VANGL2: variants seen among roughly 807,000 people sequenced by gnomAD.
VANGL2 encodes the protein VANGL planar cell polarity protein 2.
A neutral mutation model predicts 50.2 loss-of-function variants in VANGL2; 14 were observed. The ratio of observed to expected loss-of-function variants is 0.28; its 90% CI spans 0.18 to 0.44. VANGL2 has a LOEUF of 0.44. Among genes scored for constraint, VANGL2 ranks in the 20% least tolerant of loss-of-function variants. VANGL2 has a pLI of 1.00. For missense variants in VANGL2, 533 were observed against 701.5 expected (o/e 0.76, Z 2.71); for synonymous variants, 295 against 297.2 (o/e 0.99, Z 0.08).
chr1:160,412,664 T>C (rs1028872076), intron 1 of VANGL2, among the ~76,000 whole-genome samples: 1 of 152,212 alleles, frequency 6.6e-6, no homozygotes, highest in African/African-American at 2.4e-5. Flanking sequence ...GCACGTGCTT[T>C]GACATGGGGA....
chr1:160,420,602 G>A, intron 5 of VANGL2, 55 bp downstream of exon 5: 1 of 1,600,644 alleles, frequency 6.2e-7, no homozygotes, highest in Non-Finnish European at 8.6e-7. Flanking sequence ...AGGACTCCAA[G>A]TTCCCGCCTC....
At position 160,415,821 on chromosome 1, in the gene VANGL2, C is replaced by T. The variant is rs372328442; in HGVS notation, c.-17C>T. ...CCTGCGGCCCTGGAGCGCTACAAGG[C>T]GCGGCGTTCAGACGCCATGGACACC... On this transcript the variant is annotated 5_prime_UTR_variant, in exon 2 of 8. Transcript: ENST00000368061. 1.9e-4 allele frequency: 311 copies of T among 1,610,408 alleles called. No homozygotes were observed. The highest frequency in any genetic ancestry group is 2.2e-4 in the Non-Finnish European group (262 of 1,178,820).
At chr1:160,423,638 A>G (rs1651346966) in intron 6 of VANGL2, among the ~76,000 whole-genome samples, 1 of 152,182 alleles carries the variant, frequency 6.6e-6, no homozygotes, top group South Asian at 2.1e-4. Context: ...CAGCTCCATC[A>G]GATGTCAGTT....
chr1:160,406,960 T>G (rs1650690140), intron 1 of VANGL2, among the ~76,000 whole-genome samples: 2 of 152,096 alleles, frequency 1.3e-5, no homozygotes, highest in Admixed American at 6.5e-5. Flanking sequence ...ACTCCTGACC[T>G]CAGGTGATCT....
chr1:160,409,527 G>A lies in VANGL2; in HGVS notation c.-190-6121G>A, dbSNP rs536091001. Among the ~76,000 whole-genome samples the A allele has an allele frequency of 1.5e-4, 23 of 152,266 alleles. No individual in the cohort carries two copies. The East Asian group carries it at 2.1e-3, about 14-fold the overall frequency. On this transcript the variant is annotated intron_variant, in intron 1 of 7. Transcript: ENST00000368061. ...TCAGAGGTTCAGGTACCTTCCTTCC[G>A]TCTGTGGAAGCTGTGTTGGATGTCT...
intron 1 of VANGL2, among the ~76,000 whole-genome samples, chr1:160,413,685 G>A (rs1650963119): frequency 1.3e-5 from 2 of 152,010 alleles, no homozygotes; most frequent in South Asian, 4.1e-4. Flanking sequence ...CTCCTCCTCT[G>A]GCCTTCTCAT....
chr1:160,417,952 C>T (rs1423898475), intron 3 of VANGL2, among the ~76,000 whole-genome samples: 3 of 140,198 alleles, frequency 2.1e-5, no homozygotes, highest in Admixed American at 1.6e-4. Context: ...GCTCTTGTTG[C>T]CCAGGCTGGA....
chr1:160,421,243 G>A, intron 6 of VANGL2, 56 bp downstream of exon 6: 1 of 1,602,466 alleles, frequency 6.2e-7, no homozygotes, highest in South Asian at 1.1e-5. Context: ...ATGGGGAGAG[G>A]AAGACCAAGG....
At chr1:160,405,680 C>T (rs11265387) in intron 1 of VANGL2, among the ~76,000 whole-genome samples, 1 of 151,240 alleles carries the variant, frequency 6.6e-6, no homozygotes, top group Non-Finnish European at 1.5e-5. Flanking sequence ...GGCTTGGGGC[C>T]TCCTTCCCCT....
rs1336652964 is a variant in VANGL2, at chr1:160,425,392, G to A, written c.*14G>A. On this transcript the variant is annotated 3_prime_UTR_variant, in exon 8 of 8. Coordinates refer to ENST00000368061, the MANE Select transcript of VANGL2 (RefSeq NM_020335.3). The stretch of plus-strand genomic sequence containing the variant: ...ACCTCAGTGTGACTGTGCAACAGCA[G>A]GGGGAGTGGGAAACTCTGGGGGGTC... The A allele has an allele frequency of 1.3e-6, 2 of 1,580,532 alleles. No individual in the cohort carries two copies.
At chr1:160,416,019 C>A in intron 2 of VANGL2, 43 bp from the exon 3 acceptor site, 1 of 1,614,098 alleles carries the variant, frequency 6.2e-7, no homozygotes, top group South Asian at 1.1e-5. Flanking sequence ...AGACCCTGGT[C>A]CACCACTGGA....
Position 160,416,245 on chromosome 1 carries a change from G to C in VANGL2, c.192+63G>C, listed in dbSNP as rs1315129285. On this transcript the variant is annotated intron_variant, in intron 3 of 7. Coordinates refer to ENST00000368061, the MANE Select transcript of VANGL2 (RefSeq NM_020335.3). ...TTCAGACTGCTCCTGAGGGGCTGGAGGCTCCACGGAGTGGGGGAGGGCTTG... is the reference window on the plus strand; with the variant it reads ...TTCAGACTGCTCCTGAGGGGCTGGACGCTCCACGGAGTGGGGGAGGGCTTG... The C allele has an allele frequency of 2.5e-6, 4 of 1,611,936 alleles. No homozygotes were observed. In the Admixed American group the frequency reaches 6.7e-5, roughly 27 times the overall value.
At chr1:160,411,637 G>A (rs757250231) in intron 1 of VANGL2, among the ~76,000 whole-genome samples, 1 of 152,102 alleles carries the variant, frequency 6.6e-6, no homozygotes, top group Non-Finnish European at 1.5e-5. Context: ...GGAGACAAGC[G>A]TGTTTTGGTG....
At chr1:160,404,688 C>T (rs1213186482) in intron 1 of VANGL2, among the ~76,000 whole-genome samples, 2 of 152,210 alleles carry the variant, frequency 1.3e-5, no homozygotes, top group Admixed American at 6.5e-5. Flanking sequence ...TGGCTTCCTT[C>T]GCTTAACATA....
chr1:160,424,007 GGAAA>G, intron 6 of VANGL2, 41 bp from the exon 7 acceptor site: 1 of 1,607,168 alleles, frequency 6.2e-7, no homozygotes, highest in Middle Eastern at 1.9e-4. Flanking sequence ...GTGGGGTGGG[GGAAA>G]GAGAGGTGGG....
chr1:160,422,669 C>T (rs951488730), intron 6 of VANGL2, among the ~76,000 whole-genome samples: 3 of 152,176 alleles, frequency 2.0e-5, no homozygotes, highest in Non-Finnish European at 4.4e-5. Context: ...ACTTGAAGTG[C>T]AGATAATTGC....
intron 2 of VANGL2, 46 bp downstream of exon 2, chr1:160,415,954 G>T (rs1213194115): frequency 5.6e-6 from 9 of 1,614,182 alleles, no homozygotes; most frequent in Middle Eastern, 1.6e-4. Context: ...GGAGGGTTGG[G>T]GGCTGTTAAG....
At position 160,419,469 on chromosome 1, in the gene VANGL2, G is replaced by T. The variant is rs1651185769; in HGVS notation, c.660G>T (p.Val220=). The stretch of plus-strand genomic sequence containing the variant: ...ACCAGGGCGTGGTGCAGTTCGCCGT[G>T]TCGCTGGTGGACGCCCTTCTTTTCG... ...RSYQGVVQFA[V]SLVDALLFVH... is the part of the protein sequence containing the mutation. The change falls in exon 4 of 8, where the codon GTG becomes GTT. Residue 220 remains valine, a synonymous_variant. Transcript: ENST00000368061. The surrounding 1 kb of genome is among the most constrained non-coding windows in gnomAD (Gnocchi z 5.8). 6.2e-7 allele frequency: 1 copy of T among 1,608,160 alleles called. No individual in the cohort carries two copies. Among genetic ancestry groups the T allele is most frequent in the Non-Finnish European group, 8.5e-7 (1 of 1,180,008 alleles).
chr1:160,425,291 G>A lies in VANGL2; in HGVS notation c.1479G>A (p.Lys493=). Residue 493 remains lysine, a synonymous_variant, in exon 8 of 8, where the codon AAG becomes AAA. Transcript: ENST00000368061. ...TCAGCCTGGTGGTCAGCACCAAGAA[G>A]GTCCCATTCTTCAAACTCTCCGAGG... ...QDFSLVVSTK[K]VPFFKLSEEF... 1 of 1,614,032 alleles carries A rather than the reference G, an allele frequency of 6.2e-7. No individual in the cohort carries two copies. The highest frequency in any genetic ancestry group is 8.5e-7 in the Non-Finnish European group (1 of 1,180,008).
Sources: allele counts gnomAD v4.1 joint callset (sites outside exome capture counted in the v4.1 genomes callset), GRCh38; gene constraint gnomAD v4.1.1; non-coding constraint Gnocchi (gnomAD v3.1); transcripts MANE v1.5; gene names NCBI Gene and HGNC (gene_info 2026-07-23, HGNC 2026-07-21).